Variants in CDKL5 observed in about 807,000 individuals in gnomAD.
CDKL5 encodes cyclin dependent kinase like 5, also known as cyclin-dependent kinase-like 5.
Under a neutral mutation model 61.7 loss-of-function variants are expected in CDKL5, and 8 were observed. That is an observed-to-expected ratio of 0.13 (90% CI 0.08 to 0.23). The LOEUF (loss-of-function observed/expected upper bound fraction) is 0.23. Among genes scored for constraint, CDKL5 ranks in the 10% least tolerant of loss-of-function variants. CDKL5 has a pLI of 1.00. For synonymous variants in CDKL5, 275 were observed against 272.3 expected (o/e 1.01, Z -0.10); for missense variants, 440 against 734.5 (o/e 0.60, Z 4.63).
intron 2 of CDKL5, among the ~76,000 whole-genome samples, chrX:18,507,562 T>G (rs868359252): frequency 0.014 from 1,546 of 107,916 alleles, 17 homozygotes; most frequent in Middle Eastern, 0.028. Flanking sequence ...TTTCATTCAT[T>G]CATTCATTCA....
chrX:18,436,002 T>C (rs748260419), intron 1 of CDKL5, among the ~76,000 whole-genome samples: 4 of 111,405 alleles, frequency 3.6e-5, no homozygotes, highest in African/African-American at 1.3e-4. Context: ...CCCAAAAACT[T>C]AACTACTAAA....
At chrX:18,572,551 C>T (rs1925167177) in intron 4 of CDKL5, among the ~76,000 whole-genome samples, 2 of 111,786 alleles carry the variant, frequency 1.8e-5, no homozygotes, top group Admixed American at 1.9e-4. Context: ...GTAGAAGACA[C>T]CTAGGGACAG....
chrX:18,606,243 A>G (rs762038150), intron 12 of CDKL5, among the ~76,000 whole-genome samples: 1 of 111,655 alleles, frequency 9.0e-6, no homozygotes, highest in Non-Finnish European at 1.9e-5. Flanking sequence ...ACCTAAGTCA[A>G]TATGGCACTG....
chrX:18,478,346 A>G (rs1277294811), intron 1 of CDKL5, among the ~76,000 whole-genome samples: 1 of 95,419 alleles, frequency 1.0e-5, no homozygotes, highest in African/African-American at 4.1e-5. Context: ...GTTGGAGTGC[A>G]GTGGTGCTAT....
intron 14 of CDKL5, among the ~76,000 whole-genome samples, chrX:18,610,055 G>T (rs925163676): frequency 4.5e-5 from 5 of 111,372 alleles, no homozygotes; most frequent in African/African-American, 1.6e-4. Flanking sequence ...ATAGAGCAAG[G>T]CATCCCATTG....
downstream of CDKL5, chrX:18,641,861 A>G: frequency 1.7e-6 from 1 of 593,499 alleles, no homozygotes; most frequent in African/African-American, 2.3e-5. Context: ...ATATCTTAAA[A>G]AAAAAAAAAT....
At chrX:18,577,292 G>T (rs888231938) in intron 5 of CDKL5, among the ~76,000 whole-genome samples, 1 of 111,207 alleles carries the variant, frequency 9.0e-6, no homozygotes, top group Non-Finnish European at 1.9e-5. Context: ...CTGGTAAATG[G>T]CTGAGCTGCT....
intron 11 of CDKL5, among the ~76,000 whole-genome samples, chrX:18,602,262 T>A (rs1415792298): frequency 8.9e-6 from 1 of 112,066 alleles, no homozygotes; most frequent in Admixed American, 9.4e-5. Flanking sequence ...ACCAACACAC[T>A]TAGATCTATT....
intron 9 of CDKL5, among the ~76,000 whole-genome samples, chrX:18,594,014 T>G (rs973169439): frequency 1.8e-5 from 2 of 112,580 alleles, no homozygotes; most frequent in Non-Finnish European, 3.8e-5. Flanking sequence ...AGCAGATTCC[T>G]CAAGAGCAGG....
At chrX:18,442,425 T>C (rs1042557479) in intron 1 of CDKL5, 1 of 112,113 alleles carries the variant, frequency 8.9e-6, no homozygotes, top group African/African-American at 3.2e-5. Context: ...TCCCTTCAGG[T>C]ACTCTCCTTA....
intron 1 of CDKL5, among the ~76,000 whole-genome samples, chrX:18,488,517 AAAG>A (rs773179072): frequency 1.8e-5 from 2 of 111,910 alleles, no homozygotes; most frequent in South Asian, 7.5e-4. Context: ...GGTCAACCAG[AAAG>A]AAGAAGGCAC....
chrX:18,484,863 A>G (rs1453466367), intron 1 of CDKL5, among the ~76,000 whole-genome samples: 1 of 109,963 alleles, frequency 9.1e-6, no homozygotes, highest in Non-Finnish European at 1.9e-5. Context: ...GACTCAAGCG[A>G]TCCTTCTACC....
intron 2 of CDKL5, 80 bp downstream of exon 2, chrX:18,507,240 G>A (rs2057740125): frequency 7.7e-6 from 5 of 646,210 alleles, no homozygotes; most frequent in Non-Finnish European, 1.3e-5. Flanking sequence ...TTACTAATTA[G>A]ATCCTGTTAA....
chrX:18,579,212 C>T (rs374575374), intron 5 of CDKL5, among the ~76,000 whole-genome samples: 109 of 111,066 alleles, frequency 9.8e-4, no homozygotes, highest in Admixed American at 2.5e-3. Context: ...CAGTAGAGAC[C>T]GGCTAAGTGG....
At chrX:18,652,469 G>C (rs1254787544) in intron 21 of CDKL5, among the ~76,000 whole-genome samples, 1 of 111,913 alleles carries the variant, frequency 8.9e-6, no homozygotes, top group Non-Finnish European at 1.9e-5. Flanking sequence ...AGGAGTTCGA[G>C]ACCAGCCTGG....
chrX:18,541,538 T>G (rs774574292), intron 3 of CDKL5, among the ~76,000 whole-genome samples: 6 of 112,049 alleles, frequency 5.4e-5, no homozygotes, highest in Non-Finnish European at 1.1e-4. Flanking sequence ...GTTGTTCGTT[T>G]TTGTTTTTTT....
At chrX:18,561,049 C>T (rs767413579) in intron 3 of CDKL5, among the ~76,000 whole-genome samples, 76 of 103,821 alleles carry the variant, frequency 7.3e-4, no homozygotes, top group Non-Finnish European at 9.3e-4. Flanking sequence ...CCTTAATTTT[C>T]TTCTTCTTGG....
chrX:18,584,971 C>T (rs1925596320), intron 8 of CDKL5, among the ~76,000 whole-genome samples: 1 of 112,315 alleles, frequency 8.9e-6, no homozygotes, highest in Admixed American at 9.4e-5. Context: ...TGCTAATAAA[C>T]TTCCACATTA....
intron 1 of CDKL5, among the ~76,000 whole-genome samples, chrX:18,452,823 T>TG (rs1932051595): frequency 2.8e-5 from 2 of 70,793 alleles, no homozygotes; most frequent in Admixed American, 1.5e-4. Context: ...TCTCAAGTTT[T>TG]TTTTTTTTTT....
Sources: gnomAD v4.1 joint callset for allele counts (sites outside exome capture counted in the v4.1 genomes callset) on GRCh38, gnomAD v4.1.1 for gene constraint, MANE v1.5 for transcripts, NCBI Gene and HGNC (gene_info 2026-07-23, HGNC 2026-07-21) for gene names.